The following MAP2 variants were observed in gnomAD, a reference collection of about 807,000 sequenced individuals.
The protein encoded by MAP2 is microtubule associated protein 2, also known as microtubule-associated protein 2.
Under a neutral mutation model 137.6 loss-of-function variants are expected in MAP2, and 14 were observed. The ratio of observed to expected loss-of-function variants is 0.10; its 90% confidence interval spans 0.07 to 0.16. The LOEUF is 0.16. Among genes scored for constraint, MAP2 ranks in the 10% least tolerant of loss-of-function variants. The pLI is 1.00. For synonymous variants in MAP2, 786 were observed against 782.3 expected, an observed-to-expected ratio of 1.00 and a Z score of -0.08; for missense variants, 2,088 against 2,191.5, an observed-to-expected ratio of 0.95 and a Z score of 0.94.
At chr2:209,458,826 T>C (rs906496578) in intron 1 of MAP2, among the ~76,000 whole-genome samples, 1 of 152,134 alleles carries the variant, frequency 6.6e-6, no homozygotes, top group Admixed American at 6.6e-5. Context: ...GTTAAGAGCA[T>C]ATGGTCTAGA....
At chr2:209,441,112 C>G (rs893031641) in intron 1 of MAP2, among the ~76,000 whole-genome samples, 1 of 151,270 alleles carries the variant, frequency 6.6e-6, no homozygotes, top group Non-Finnish European at 1.5e-5. Context: ...TACAAGTAAT[C>G]AGAGCTGTTG....
At chr2:209,539,142 G>A (rs1440268467) in intron 2 of MAP2, among the ~76,000 whole-genome samples, 1 of 152,096 alleles carries the variant, frequency 6.6e-6, no homozygotes, top group Non-Finnish European at 1.5e-5. Flanking sequence ...TTGACCTGCT[G>A]ATCCTGCAAT....
intron 4 of MAP2, among the ~76,000 whole-genome samples, chr2:209,640,983 A>G (rs970667308): frequency 1.1e-4 from 17 of 151,556 alleles, no homozygotes; most frequent in African/African-American, 4.1e-4. Flanking sequence ...ATGATGTATA[A>G]TATGGCCTCC....
At chr2:209,584,336 CAAAG>C (rs1289758716) in intron 3 of MAP2, among the ~76,000 whole-genome samples, 2 of 152,018 alleles carry the variant, frequency 1.3e-5, no homozygotes, top group Non-Finnish European at 2.9e-5. Flanking sequence ...GCAAAGGAAT[CAAAG>C]GAAGTGAACA....
chr2:209,521,282 T>C (rs1454212883), intron 2 of MAP2, among the ~76,000 whole-genome samples: 1 of 152,028 alleles, frequency 6.6e-6, no homozygotes, highest in Admixed American at 6.6e-5. Flanking sequence ...TACAACACAC[T>C]AATATGATGC....
At chr2:209,665,948 T>C (rs929647444) in intron 5 of MAP2, among the ~76,000 whole-genome samples, 1 of 152,190 alleles carries the variant, frequency 6.6e-6, no homozygotes, top group African/African-American at 2.4e-5. Flanking sequence ...GAAATTCTTC[T>C]CCAAGGAGGA....
At chr2:209,709,687 G>T (rs2064781451) in intron 12 of MAP2, among the ~76,000 whole-genome samples, 1 of 151,880 alleles carries the variant, frequency 6.6e-6, no homozygotes, top group African/African-American at 2.4e-5. Flanking sequence ...AAAAAATCAG[G>T]TTTTTTTCTT....
intron 7 of MAP2, among the ~76,000 whole-genome samples, chr2:209,690,135 T>C (rs1559562924): frequency 6.6e-6 from 1 of 152,200 alleles, no homozygotes; most frequent in South Asian, 2.1e-4. Flanking sequence ...CCGGGAATTC[T>C]TATGTAGGGG....
At chr2:209,589,135 C>G (rs750762019) in intron 3 of MAP2, among the ~76,000 whole-genome samples, 3 of 151,904 alleles carry the variant, frequency 2.0e-5, no homozygotes, top group Non-Finnish European at 4.4e-5. Context: ...ATAATGCAAC[C>G]AGTTAAGAAG....
At chr2:209,617,639 C>T (rs2089936962) in intron 3 of MAP2, among the ~76,000 whole-genome samples, 1 of 152,050 alleles carries the variant, frequency 6.6e-6, no homozygotes, top group African/African-American at 2.4e-5. Context: ...TCTGGTGTCT[C>T]CTCCTCTTCT....
At chr2:209,497,189 G>A (rs2059851313) in intron 1 of MAP2, among the ~76,000 whole-genome samples, 1 of 152,128 alleles carries the variant, frequency 6.6e-6, no homozygotes, top group East Asian at 1.9e-4. Context: ...TTTAAAAATA[G>A]GGCTTGTAGC....
chr2:209,486,984 C>T (rs1281383629), intron 1 of MAP2, among the ~76,000 whole-genome samples: 1 of 152,106 alleles, frequency 6.6e-6, no homozygotes, highest in Non-Finnish European at 1.5e-5. Flanking sequence ...CATGGGATTT[C>T]CTTTTGTAGT....
intron 2 of MAP2, among the ~76,000 whole-genome samples, chr2:209,521,847 A>G (rs944939875): frequency 6.6e-6 from 1 of 152,158 alleles, no homozygotes; most frequent in Admixed American, 6.6e-5. Context: ...TAAAGCTCCT[A>G]TGGTATTATT....
chr2:209,456,609 C>G (rs1347590673), intron 1 of MAP2, among the ~76,000 whole-genome samples: 1 of 152,186 alleles, frequency 6.6e-6, no homozygotes, highest in African/African-American at 2.4e-5. Context: ...CAATGACAAA[C>G]TAAGAGTAGC....
At chr2:209,486,181 A>C (rs1171277305) in intron 1 of MAP2, among the ~76,000 whole-genome samples, 1 of 152,144 alleles carries the variant, frequency 6.6e-6, no homozygotes, top group Non-Finnish European at 1.5e-5. Flanking sequence ...AAAAAACATT[A>C]GTTAAAAGAA....
rs146429463 is a variant in MAP2, at chr2:209,543,596, C to T, written c.-172+35955C>T. Among the ~76,000 whole-genome samples the T allele has an allele frequency of 8.5e-5, 13 of 152,286 alleles. No homozygotes were observed. In the East Asian group the frequency reaches 2.5e-3, roughly 29 times the overall value. ...TAAATCTCCTTAGAATACAACGCTT[C>T]CTTTTACTTCATCACTGCTGTCTTA... On this transcript the variant is annotated intron_variant, in intron 2 of 15. Transcript: ENST00000682079.
chr2:209,456,493 AT>A (rs1306514301), intron 1 of MAP2, among the ~76,000 whole-genome samples: 2 of 152,344 alleles, frequency 1.3e-5, no homozygotes, highest in East Asian at 3.9e-4. Context: ...ATGAGAAAGA[AT>A]GGTGGAAGCA....
At chr2:209,546,872 A>G (rs894091696) in intron 2 of MAP2, among the ~76,000 whole-genome samples, 2 of 152,210 alleles carry the variant, frequency 1.3e-5, no homozygotes, top group African/African-American at 2.4e-5. Context: ...GAGTAAAACA[A>G]GAAGATCAAC....
At chr2:209,612,829 T>G (rs953085946) in intron 3 of MAP2, among the ~76,000 whole-genome samples, 2 of 152,196 alleles carry the variant, frequency 1.3e-5, no homozygotes, top group Non-Finnish European at 2.9e-5. Flanking sequence ...AAATCTTATT[T>G]AAGAGCAGAA....
Sources: allele counts gnomAD v4.1 joint callset (sites outside exome capture counted in the v4.1 genomes callset), GRCh38; gene constraint gnomAD v4.1.1; transcripts MANE v1.5; gene names NCBI Gene and HGNC (gene_info 2026-07-23, HGNC 2026-07-21).